ZFYVE9: variants seen among roughly 807,000 people sequenced by gnomAD.
ZFYVE9 encodes zinc finger FYVE domain-containing protein 9.
A neutral mutation model predicts 126.7 loss-of-function variants in ZFYVE9; 43 were observed. The observed-to-expected ratio is 0.34, with a 90% CI of 0.27 to 0.44. The LOEUF (loss-of-function observed/expected upper bound fraction) is 0.44, where lower values mean the gene tolerates loss of function less well. ZFYVE9 is among the 20% of genes least tolerant of loss of function. ZFYVE9 has a pLI of 1.00. For missense variants in ZFYVE9, 1,476 were observed against 1,697.0 expected, an observed-to-expected ratio of 0.87 and a Z score of 2.29; for synonymous variants, 521 against 597.4, an observed-to-expected ratio of 0.87 and a Z score of 1.87.
rs142330934 is a variant in ZFYVE9 at position 52,177,698 on chromosome 1, G to A, written c.-143+35295G>A. On this transcript the variant is annotated intron_variant, in intron 1 of 18. Coordinates refer to ENST00000287727, the MANE Select transcript of ZFYVE9 (RefSeq NM_004799.4). ...ACTGAAATGGTGACACTTTTGTTTA[G>A]TATTGAAAAATTAACAGGAGTTCTC... Among the ~76,000 whole-genome samples the A allele has an allele frequency of 2.6e-3, 400 of 152,288 alleles. 2 individuals carry two copies. The highest frequency in any genetic ancestry group is 9.2e-3 in the African/African-American group (383 of 41,552).
At chr1:52,324,789 C>CT (rs1646275373) in intron 13 of ZFYVE9, among the ~76,000 whole-genome samples, 1 of 152,184 alleles carries the variant, frequency 6.6e-6, no homozygotes, top group Admixed American at 6.5e-5. Context: ...ATCTTCCTGT[C>CT]TAAAGCCTTT....
At chr1:52,217,779 G>A (rs1431412554) in intron 2 of ZFYVE9, among the ~76,000 whole-genome samples, 1 of 152,098 alleles carries the variant, frequency 6.6e-6, no homozygotes, top group South Asian at 2.1e-4. Flanking sequence ...TTTTATGATT[G>A]TCCCATCAGG....
At chr1:52,292,505 TC>T (rs1645932068) in intron 10 of ZFYVE9, among the ~76,000 whole-genome samples, 1 of 134,258 alleles carries the variant, frequency 7.4e-6, no homozygotes, top group African/African-American at 2.9e-5. Flanking sequence ...ACAGTGTCAC[TC>T]TATCGCCTAG....
At chr1:52,172,078 G>A (rs1457272648) in intron 1 of ZFYVE9, among the ~76,000 whole-genome samples, 1 of 152,088 alleles carries the variant, frequency 6.6e-6, no homozygotes, top group South Asian at 2.1e-4. Flanking sequence ...CCTTGCCCAT[G>A]CCTATGTCCT....
At chr1:52,265,906 T>C (rs1407581436) in intron 5 of ZFYVE9, among the ~76,000 whole-genome samples, 1 of 152,204 alleles carries the variant, frequency 6.6e-6, no homozygotes, top group Non-Finnish European at 1.5e-5. Flanking sequence ...TGCTTTTTGA[T>C]AGAACTTTAT....
intron 1 of ZFYVE9, among the ~76,000 whole-genome samples, chr1:52,183,892 T>TC (rs1456004203): frequency 2.0e-5 from 3 of 148,992 alleles, no homozygotes; most frequent in African/African-American, 7.4e-5. Flanking sequence ...TCTCACTCTG[T>TC]CACCCAGGCT....
At chr1:52,327,354 A>G (rs548468704) in intron 13 of ZFYVE9, among the ~76,000 whole-genome samples, 2 of 152,230 alleles carry the variant, frequency 1.3e-5, no homozygotes, top group African/African-American at 4.8e-5. Flanking sequence ...CTGTAATCCT[A>G]GCACTTTGGG....
chr1:52,328,121 G>C (rs1276881636), intron 13 of ZFYVE9, among the ~76,000 whole-genome samples: 2 of 152,172 alleles, frequency 1.3e-5, no homozygotes, highest in African/African-American at 4.8e-5. Flanking sequence ...TAGAGCATAG[G>C]AAGCTTGAGA....
intron 13 of ZFYVE9, among the ~76,000 whole-genome samples, chr1:52,306,550 G>A (rs1375287678): frequency 1.3e-5 from 2 of 152,246 alleles, no homozygotes; most frequent in Non-Finnish European, 2.9e-5. Context: ...CAAATGGCAG[G>A]GCTGAAAGAG....
intron 1 of ZFYVE9, among the ~76,000 whole-genome samples, chr1:52,156,281 A>C (rs1644402611): frequency 1.3e-5 from 2 of 152,198 alleles, no homozygotes; most frequent in African/African-American, 4.8e-5. Flanking sequence ...TACTACATCT[A>C]GCATGGCAAT....
intron 1 of ZFYVE9, among the ~76,000 whole-genome samples, chr1:52,189,750 A>G (rs979847442): frequency 1.3e-5 from 2 of 151,032 alleles, no homozygotes; most frequent in Non-Finnish European, 2.9e-5. Flanking sequence ...ATTTGCTCCT[A>G]TGTTTTCTTT....
chr1:52,340,520 A>G (rs1646425651), intron 17 of ZFYVE9, among the ~76,000 whole-genome samples: 2 of 152,210 alleles, frequency 1.3e-5, no homozygotes, highest in Admixed American at 6.5e-5. Flanking sequence ...TCTTTGCTGT[A>G]TTCTTCAGAA....
At chr1:52,176,884 G>C (rs1398184286) in intron 1 of ZFYVE9, among the ~76,000 whole-genome samples, 1 of 152,118 alleles carries the variant, frequency 6.6e-6, no homozygotes, top group Non-Finnish European at 1.5e-5. Context: ...GATTTTCCAG[G>C]TGCCGTCTGT....
At chr1:52,200,952 T>C (rs1052469256) in intron 1 of ZFYVE9, among the ~76,000 whole-genome samples, 2 of 152,182 alleles carry the variant, frequency 1.3e-5, no homozygotes, top group Non-Finnish European at 2.9e-5. Flanking sequence ...CTGTCAATAA[T>C]GTGTTGGTTA....
At chr1:52,157,121 C>T (rs935090615) in intron 1 of ZFYVE9, among the ~76,000 whole-genome samples, 10 of 152,212 alleles carry the variant, frequency 6.6e-5, no homozygotes, top group South Asian at 6.2e-4. Flanking sequence ...CGTGAGCCAC[C>T]GCACCCGGCC....
intron 12 of ZFYVE9, among the ~76,000 whole-genome samples, chr1:52,302,566 C>T (rs1646045415): frequency 6.6e-6 from 1 of 152,148 alleles, no homozygotes; most frequent in South Asian, 2.1e-4. Flanking sequence ...GCCTGGCCAA[C>T]ATGGCAAAAC....
intron 7 of ZFYVE9, among the ~76,000 whole-genome samples, chr1:52,270,487 A>G (rs1042608843): frequency 2.0e-5 from 3 of 152,080 alleles, no homozygotes; most frequent in Non-Finnish European, 2.9e-5. Flanking sequence ...GATGGTCTCG[A>G]TCTCCTGACC....
intron 13 of ZFYVE9, among the ~76,000 whole-genome samples, chr1:52,325,306 C>T (rs145458424): frequency 4.6e-5 from 7 of 151,704 alleles, no homozygotes; most frequent in African/African-American, 1.2e-4. Context: ...CTAGCCTGGG[C>T]GACAGAGCGA....
chr1:52,259,936 C>T (rs1302063321), intron 4 of ZFYVE9, among the ~76,000 whole-genome samples: 1 of 152,118 alleles, frequency 6.6e-6, no homozygotes. Context: ...TATGGGTATA[C>T]TGCAGTTTAA....
Sources: gnomAD v4.1 joint callset for allele counts (sites outside exome capture counted in the v4.1 genomes callset) on GRCh38, gnomAD v4.1.1 for gene constraint, MANE v1.5 for transcripts, NCBI Gene and HGNC (gene_info 2026-07-23, HGNC 2026-07-21) for gene names.